The following UPB1 variants were observed in gnomAD, a reference collection of about 807,000 sequenced individuals.
UPB1 encodes the protein beta-ureidopropionase 1.
In UPB1, 40 loss-of-function variants were observed where a neutral mutation model predicts 49.1. The observed-to-expected ratio is 0.81, with a 90% CI of 0.63 to 1.06. UPB1 has a LOEUF of 1.06. UPB1 is among the 50% of genes least tolerant of loss of function. The pLI is 0.00. For missense variants in UPB1, 499 were observed against 505.9 expected, an observed-to-expected ratio of 0.99 and a Z score of 0.13; for synonymous variants, 207 against 198.2, an observed-to-expected ratio of 1.04 and a Z score of -0.38.
At chr22:24,524,113 A>C (rs532463790) in intron 9 of UPB1, among the ~76,000 whole-genome samples, 3 of 152,368 alleles carry the variant, frequency 2.0e-5, no homozygotes, top group Non-Finnish European at 1.5e-5. Flanking sequence ...TGCACTTATC[A>C]CAAGATAAAT....
intron 3 of UPB1, among the ~76,000 whole-genome samples, chr22:24,509,926 T>C (rs949767317): frequency 6.6e-6 from 1 of 152,300 alleles, no homozygotes; most frequent in Non-Finnish European, 1.5e-5. Context: ...TTCTACTTTC[T>C]GTCATTAAGA....
At chr22:24,498,503 G>T (rs1051990179) in intron 1 of UPB1, among the ~76,000 whole-genome samples, 1 of 152,210 alleles carries the variant, frequency 6.6e-6, no homozygotes, top group East Asian at 1.9e-4. Flanking sequence ...CTGGGAGGAG[G>T]TAGAGCCCCA....
chr22:24,497,776 C>T (rs2043919395), intron 1 of UPB1, among the ~76,000 whole-genome samples: 1 of 152,150 alleles, frequency 6.6e-6, no homozygotes, highest in Non-Finnish European at 1.5e-5. Flanking sequence ...GCTACTATAA[C>T]AGAATACCAG....
At position 24,523,888 on chromosome 22, in the gene UPB1, G is replaced by T. The variant is rs1469977252; in HGVS notation, c.1071+115G>T. On this transcript the variant is annotated intron_variant, in intron 9 of 9. Coordinates refer to ENST00000326010, the MANE Select transcript of UPB1 (RefSeq NM_016327.3). Reference sequence around the variant, plus strand: ...CAGCATGAGGTACCAGCTCCCACCTGAGGGCTCTGTGTGAGCTGAGGGCTG... The same window carrying T: ...CAGCATGAGGTACCAGCTCCCACCTTAGGGCTCTGTGTGAGCTGAGGGCTG... The T allele has an allele frequency of 1.8e-5, 27 of 1,497,960 alleles. No individual in the cohort carries two copies. In the East Asian group the frequency reaches 5.9e-4, roughly 33 times the overall value. The allele number at this position is 1,497,960 out of a possible 1,614,324, so 92.8% of individuals were successfully genotyped here.
intron 3 of UPB1, chr22:24,502,522 G>C (rs751362508): frequency 3.8e-6 from 3 of 779,928 alleles, no homozygotes; most frequent in Non-Finnish European, 2.4e-6. Flanking sequence ...CTGGTCTCCT[G>C]TGCCCTCCTG....
chr22:24,520,524 G>A, intron 7 of UPB1, 56 bp downstream of exon 7: 1 of 1,588,864 alleles, frequency 6.3e-7, no homozygotes, highest in East Asian at 2.3e-5. Context: ...CTCTGGTGGG[G>A]ACACCCCGTT....
intron 1 of UPB1, among the ~76,000 whole-genome samples, chr22:24,496,823 T>C (rs1422929588): frequency 1.3e-5 from 2 of 151,910 alleles, no homozygotes; most frequent in Non-Finnish European, 1.5e-5. Flanking sequence ...GAAAGAAGCA[T>C]CAGATGGCTC....
chr22:24,513,534 G>A, intron 5 of UPB1, 49 bp downstream of exon 5: 1 of 1,589,332 alleles, frequency 6.3e-7, no homozygotes, highest in Non-Finnish European at 8.6e-7. Flanking sequence ...TTGCCCCTCT[G>A]TATGTTGTAG....
At chr22:24,497,405 A>C (rs2043912949) in intron 1 of UPB1, among the ~76,000 whole-genome samples, 1 of 152,192 alleles carries the variant, frequency 6.6e-6, no homozygotes. Flanking sequence ...TTAATGATTT[A>C]AAGTGCTGGT....
At chr22:24,522,074 C>A (rs1004794604) in intron 8 of UPB1, 46 bp downstream of exon 8, 2 of 1,603,226 alleles carry the variant, frequency 1.2e-6, no homozygotes, top group East Asian at 4.5e-5. Context: ...AGTGGGCCTT[C>A]CTCTCCCCTT....
intron 1 of UPB1, among the ~76,000 whole-genome samples, chr22:24,496,374 C>CACACACACACACACACACACACACACAT (rs2043879497): frequency 1.4e-5 from 1 of 73,382 alleles, no homozygotes; most frequent in Non-Finnish European, 3.2e-5. Context: ...CTGTCTCAAA[C>CACACACACACACACACACACACACACAT]ACACACACAC....
Position 24,520,574 on chromosome 22 carries a change from G to A in UPB1, c.873+106G>A, listed in dbSNP as rs957620517. Reference sequence around the variant, plus strand: ...GCCACAAATCCTAGGGTCCGGAAAGGGGTAAAACTGGCTTGGTCCGTTACT... The same window carrying A: ...GCCACAAATCCTAGGGTCCGGAAAGAGGTAAAACTGGCTTGGTCCGTTACT... On this transcript the variant is annotated intron_variant, in intron 7 of 9. Coordinates refer to ENST00000326010, the MANE Select transcript of UPB1 (RefSeq NM_016327.3). The A allele has an allele frequency of 3.9e-6, 5 of 1,270,794 alleles. No homozygotes were observed. The East Asian group carries it at 1.3e-4, about 32-fold the overall frequency. The allele number at this position is 1,270,794 out of a possible 1,614,324, so 78.7% of individuals were successfully genotyped here.
chr22:24,510,987 A>T, intron 4 of UPB1, 144 bp downstream of exon 4: 9 of 791,654 alleles, frequency 1.1e-5, no homozygotes, highest in South Asian at 8.8e-5. Context: ...AGATAAGACT[A>T]TCTGCCACTT....
chr22:24,524,159 A>G (rs918507040), intron 9 of UPB1, among the ~76,000 whole-genome samples: 3 of 152,222 alleles, frequency 2.0e-5, no homozygotes, highest in Non-Finnish European at 2.9e-5. Flanking sequence ...CAGTCCCTGC[A>G]GTCTAGGCCT....
intron 1 of UPB1, among the ~76,000 whole-genome samples, chr22:24,497,639 A>G (rs192324327): frequency 6.6e-6 from 1 of 152,282 alleles, no homozygotes; most frequent in African/African-American, 2.4e-5. Flanking sequence ...TGAGGGGTAG[A>G]GGGTCTGAAA....
At chr22:24,521,869 T>TTTCC in intron 7 of UPB1, 117 bp from the exon 8 acceptor site, 1 of 1,070,130 alleles carries the variant, frequency 9.3e-7, no homozygotes, top group Non-Finnish European at 1.4e-6. Flanking sequence ...ACCTTAACTG[T>TTTCC]TTCCTGGCTG....
At chr22:24,503,896 A>G (rs566548081) in intron 3 of UPB1, among the ~76,000 whole-genome samples, 1 of 152,304 alleles carries the variant, frequency 6.6e-6, no homozygotes, top group Admixed American at 6.5e-5. Flanking sequence ...CTTCCATGAG[A>G]AGAACCAGGG....
At chr22:24,511,045 G>A (rs1467587360) in intron 4 of UPB1, among the ~76,000 whole-genome samples, 3 of 152,072 alleles carry the variant, frequency 2.0e-5, no homozygotes, top group Non-Finnish European at 2.9e-5. Context: ...GCTCCAGAAG[G>A]GCCATTAGCT....
chr22:24,515,133 G>A (rs1193621463), intron 5 of UPB1, 68 bp from the exon 6 acceptor site: 54 of 1,601,482 alleles, frequency 3.4e-5, no homozygotes, highest in Non-Finnish European at 9.4e-6. Context: ...TGATATTTCA[G>A]TTTTTCTGCT....
Sources: gnomAD v4.1 joint callset for allele counts (sites outside exome capture counted in the v4.1 genomes callset) on GRCh38, gnomAD v4.1.1 for gene constraint, MANE v1.5 for transcripts, NCBI Gene and HGNC (gene_info 2026-07-23, HGNC 2026-07-21) for gene names.